Variants in IFIH1 observed in about 807,000 individuals in gnomAD.
The protein encoded by IFIH1 is interferon induced with helicase C domain 1.
IFIH1 carries 125 observed loss-of-function variants against 107.4 expected under a neutral mutation model. The ratio of observed to expected loss-of-function variants is 1.16; its 90% confidence interval spans 1.01 to 1.35. IFIH1 has a LOEUF of 1.35. IFIH1 is among the 40% of genes most tolerant of loss of function. The probability of loss-of-function intolerance (pLI) is 0.00; values close to 1 mark genes in which losing one functional copy is unlikely to be tolerated. For synonymous variants in IFIH1, 458 were observed against 413.2 expected (o/e 1.11, Z -1.31); for missense variants, 1,333 against 1,213.7 (o/e 1.10, Z -1.46).
Position 162,282,275 on chromosome 2 carries a change from G to A in IFIH1, c.1306+91C>T, listed in dbSNP as rs6734769. ...CCATAAGCAATAAAAGACAATTTAA[G>A]CCACGAACATTTAAAAAATTAACAA... On this transcript the variant is annotated intron_variant, in intron 6 of 15. Transcript: ENST00000649979. 0.054 allele frequency: 41,879 copies of A among 776,612 alleles called. 4,810 individuals are homozygous for A. Among genetic ancestry groups the A allele is most frequent in the African/African-American group, 0.32 (17,857 of 56,034 alleles). 48.1% of individuals were successfully genotyped at this position (776,612 alleles called of 1,614,324 possible). A position where few individuals can be genotyped will look rare whatever the true frequency, so the allele number is the denominator to read the frequency against.
At chr2:162,275,647 C>T (rs1470141757) in intron 11 of IFIH1, among the ~76,000 whole-genome samples, 3 of 152,150 alleles carry the variant, frequency 2.0e-5, no homozygotes, top group Non-Finnish European at 4.4e-5. Context: ...AATTAATTTG[C>T]TCCATTGGCT....
At chr2:162,317,779 A>G in intron 1 of IFIH1, 76 bp downstream of exon 1, 1 of 1,226,706 alleles carries the variant, frequency 8.2e-7, no homozygotes. Flanking sequence ...GCACATTTGG[A>G]AAGGGGCAAA....
At chr2:162,280,700 T>C (rs1053728701) in intron 7 of IFIH1, among the ~76,000 whole-genome samples, 1 of 152,094 alleles carries the variant, frequency 6.6e-6, no homozygotes, top group Non-Finnish European at 1.5e-5. Context: ...GTGTCTACTC[T>C]ACATAATTTG....
At chr2:162,292,944 A>C (rs567739813) in intron 4 of IFIH1, among the ~76,000 whole-genome samples, 6 of 152,010 alleles carry the variant, frequency 3.9e-5, no homozygotes, top group African/African-American at 1.2e-4. Context: ...AAAACTGATA[A>C]CAGGAAGTAA....
chr2:162,270,572 A>G (rs1194580800), intron 13 of IFIH1, among the ~76,000 whole-genome samples: 2 of 152,186 alleles, frequency 1.3e-5, no homozygotes, highest in African/African-American at 4.8e-5. Context: ...TCTTGGCCAA[A>G]GGAGACCTAA....
At chr2:162,311,201 A>T (rs1339011038) in intron 1 of IFIH1, among the ~76,000 whole-genome samples, 2 of 152,154 alleles carry the variant, frequency 1.3e-5, no homozygotes, top group African/African-American at 4.8e-5. Flanking sequence ...AAGCTATTGA[A>T]TTATTCAAAC....
At position 162,268,199 on chromosome 2, in the gene IFIH1, T is replaced by A. The variant is rs1690962946; in HGVS notation, c.2695A>T (p.Asn899Tyr). 8 of 1,612,962 alleles carry A rather than the reference T, an allele frequency of 5.0e-6. No homozygotes were observed. Among genetic ancestry groups the A allele is most frequent in the Non-Finnish European group, 6.8e-6 (8 of 1,178,988 alleles). The change falls in exon 14 of 16, where the codon AAC becomes TAC. Residue 899 changes from asparagine to tyrosine, a missense_variant. By Grantham distance (143) the Asn-to-Tyr change is moderately radical. Transcript: ENST00000649979. ...KRNIAKHYKNNPSLITFLCKN... is the reference protein window; with the variant it reads ...KRNIAKHYKNYPSLITFLCKN... ...CAAAGGAAAGTTATTAGTGATGGGT[T>A]ATTCTTGTAATGCTTGGCAATATTT...
intron 14 of IFIH1, among the ~76,000 whole-genome samples, chr2:162,267,793 C>G (rs1690955347): frequency 6.6e-6 from 1 of 152,206 alleles, no homozygotes; most frequent in Non-Finnish European, 1.5e-5. Context: ...TCTTTCAAGT[C>G]TGTTGGTTAT....
chr2:162,312,236 A>G (rs1016381422), intron 1 of IFIH1, among the ~76,000 whole-genome samples: 14 of 152,174 alleles, frequency 9.2e-5, no homozygotes, highest in African/African-American at 3.4e-4. Flanking sequence ...ATGATTGGGA[A>G]GAGTTATTGT....
chr2:162,282,394 A>G lies in IFIH1; in HGVS notation c.1278T>C (p.Asn426=). 3 of 1,611,002 alleles carry G rather than the reference A, an allele frequency of 1.9e-6. No individual in the cohort carries two copies. Among genetic ancestry groups the G allele is most frequent in the Non-Finnish European group, 2.5e-6 (3 of 1,178,176 alleles). Reference sequence around the variant, plus strand: ...ACAATTGAACACCAGCATCTTCTCCATTTTCCAAGTTTAAGAGGGAGTTTT... The same window carrying G: ...ACAATTGAACACCAGCATCTTCTCCGTTTTCCAAGTTTAAGAGGGAGTTTT... The part of the protein sequence containing the change: ...ILENSLLNLE[N]GEDAGVQLSD... Residue 426 remains asparagine, a synonymous_variant, in exon 6 of 16, where the codon AAT becomes AAC. Coordinates refer to ENST00000649979, the MANE Select transcript of IFIH1 (RefSeq NM_022168.4).
intron 3 of IFIH1, among the ~76,000 whole-genome samples, chr2:162,295,839 A>C (rs959443574): frequency 6.6e-6 from 1 of 151,886 alleles, no homozygotes; most frequent in Non-Finnish European, 1.5e-5. Context: ...ATGAAAAGAG[A>C]ATATGATTTG....
rs1267283880 is a variant in IFIH1, at chr2:162,272,483, T to C, written c.2455-96A>G. ...AATGATATTCTTGCTCAGAATGAAATGATATTGGGTTGTTCAGCATGCCAG... is the reference window on the plus strand; with the variant it reads ...AATGATATTCTTGCTCAGAATGAAACGATATTGGGTTGTTCAGCATGCCAG... On this transcript the variant is annotated intron_variant, in intron 12 of 15. Transcript: ENST00000649979. 5.7e-6 allele frequency: 6 copies of C among 1,046,162 alleles called. No individual in the cohort carries two copies. The South Asian group carries it at 7.7e-5, about 13-fold the overall frequency. 64.8% of individuals were successfully genotyped at this position (1,046,162 alleles called of 1,614,324 possible).
chr2:162,315,947 C>T (rs1683483216), intron 1 of IFIH1, among the ~76,000 whole-genome samples: 1 of 152,174 alleles, frequency 6.6e-6, no homozygotes, highest in African/African-American at 2.4e-5. Context: ...TTGGGGCCTC[C>T]TTTGAAATGT....
chr2:162,269,448 G>A (rs1690991827), intron 13 of IFIH1, among the ~76,000 whole-genome samples: 1 of 152,146 alleles, frequency 6.6e-6, no homozygotes, highest in Non-Finnish European at 1.5e-5. Flanking sequence ...GATTCCTTCT[G>A]TGAGAGAATA....
At chr2:162,298,230 C>A (rs1225483152) in intron 3 of IFIH1, among the ~76,000 whole-genome samples, 2 of 152,152 alleles carry the variant, frequency 1.3e-5, no homozygotes, top group Admixed American at 6.5e-5. Context: ...GCTTCTATTC[C>A]TACCAGGTAG....
chr2:162,273,123 A>C (rs1691077522), intron 12 of IFIH1, among the ~76,000 whole-genome samples: 1 of 152,162 alleles, frequency 6.6e-6, no homozygotes, highest in Admixed American at 6.5e-5. Context: ...GATGCAATTT[A>C]AGTTATTTAA....
At chr2:162,287,284 C>CT (rs967192240) in intron 5 of IFIH1, among the ~76,000 whole-genome samples, 13 of 151,470 alleles carry the variant, frequency 8.6e-5, no homozygotes, top group Middle Eastern at 3.4e-3. Flanking sequence ...CAGTCTACTG[C>CT]TTTTTTTTAT....
At chr2:162,272,140 C>G in intron 13 of IFIH1, 86 bp downstream of exon 13, 3 of 1,064,802 alleles carry the variant, frequency 2.8e-6, no homozygotes, top group Non-Finnish European at 4.2e-6. Flanking sequence ...CAATTTTTGT[C>G]TGGAGAATGA....
intron 3 of IFIH1, among the ~76,000 whole-genome samples, chr2:162,302,706 T>C (rs115604278): frequency 0.02 from 3,108 of 152,330 alleles, 114 homozygotes; most frequent in African/African-American, 0.072. Flanking sequence ...TTAATATCAG[T>C]AATTCTTAGT....
Sources: allele counts gnomAD v4.1 joint callset (sites outside exome capture counted in the v4.1 genomes callset), GRCh38; gene constraint gnomAD v4.1.1; transcripts MANE v1.5; gene names NCBI Gene and HGNC (gene_info 2026-07-23, HGNC 2026-07-21).